Variants in DPF3 observed in about 807,000 individuals in gnomAD.
DPF3 encodes the protein double PHD fingers 3.
A neutral mutation model predicts 56.8 loss-of-function variants in DPF3; 18 were observed. That is an observed-to-expected ratio of 0.32 (90% CI 0.22 to 0.47). The LOEUF (loss-of-function observed/expected upper bound fraction) is 0.47. Among genes scored for constraint, DPF3 ranks in the 20% least tolerant of loss-of-function variants. The pLI is 1.00. For synonymous variants in DPF3, 188 were observed against 180.2 expected (o/e 1.04, Z -0.35); for missense variants, 403 against 488.8 (o/e 0.82, Z 1.65).
intron 8 of DPF3, among the ~76,000 whole-genome samples, chr14:72,650,938 T>A (rs1319088994): frequency 6.6e-6 from 1 of 152,158 alleles, no homozygotes; most frequent in East Asian, 1.9e-4. Flanking sequence ...AATCCCCAGT[T>A]AAAATGCAAA....
At chr14:72,846,364 C>G (rs1224587179) in intron 1 of DPF3, among the ~76,000 whole-genome samples, 3 of 118,908 alleles carry the variant, frequency 2.5e-5, no homozygotes, top group Non-Finnish European at 3.2e-5. Context: ...GAGACGGAGT[C>G]TCACTCTGTC....
intron 8 of DPF3, among the ~76,000 whole-genome samples, chr14:72,636,269 A>C (rs1885381117): frequency 6.6e-6 from 1 of 152,246 alleles, no homozygotes; most frequent in Admixed American, 6.5e-5. Context: ...GGTATTTACA[A>C]ATTGCAAATG....
chr14:72,689,239 A>G (rs769093625), intron 7 of DPF3, among the ~76,000 whole-genome samples: 3 of 152,104 alleles, frequency 2.0e-5, no homozygotes, highest in Admixed American at 2.0e-4. Flanking sequence ...CAGGAGGACC[A>G]AAGTCAAAAG....
chr14:72,693,348 C>T (rs895039202), intron 6 of DPF3, 135 bp from the exon 7 acceptor site: 1 of 1,032,876 alleles, frequency 9.7e-7, no homozygotes, highest in Non-Finnish European at 1.4e-6. Flanking sequence ...TCTCCCATCC[C>T]AACATCCCTT....
At chr14:72,830,980 G>A (rs748972783) in intron 1 of DPF3, among the ~76,000 whole-genome samples, 3 of 152,144 alleles carry the variant, frequency 2.0e-5, no homozygotes, top group Non-Finnish European at 2.9e-5. Context: ...TGTGGAAGCC[G>A]TATCAATCGC....
chr14:72,614,697 G>A lies in DPF3; in HGVS notation c.*4600C>T, dbSNP rs1031253352. Among the ~76,000 whole-genome samples the A allele has an allele frequency of 2.0e-5, 3 of 150,930 alleles. No homozygotes were observed. Among genetic ancestry groups the A allele is most frequent in the African/African-American group, 7.4e-5 (3 of 40,806 alleles). On this transcript the variant is annotated 3_prime_UTR_variant, in exon 11 of 11. Transcript: ENST00000556509. The stretch of plus-strand genomic sequence containing the variant: ...CCTCAAGAAAGAGGGAGCTGAATCA[G>A]TGTTCAGAACTGGGCAGAGGTTTGG...
intron 7 of DPF3, among the ~76,000 whole-genome samples, chr14:72,683,046 G>A (rs1887228404): frequency 6.6e-6 from 1 of 152,224 alleles, no homozygotes; most frequent in Admixed American, 6.5e-5. Context: ...CAAATTCCCA[G>A]TCAGGCACAG....
At chr14:72,706,151 T>C (rs190910729) in intron 6 of DPF3, among the ~76,000 whole-genome samples, 6 of 152,306 alleles carry the variant, frequency 3.9e-5, no homozygotes, top group Admixed American at 1.3e-4. Context: ...TCCAGGTCTA[T>C]AATATAAGTC....
chr14:72,683,580 T>C (rs1315186427), intron 7 of DPF3, among the ~76,000 whole-genome samples: 1 of 152,180 alleles, frequency 6.6e-6, no homozygotes, highest in East Asian at 1.9e-4. Flanking sequence ...ATGAGGCATA[T>C]GGAGGCTATG....
rs144584446 is a variant in DPF3 at position 72,890,425 on chromosome 14, A to G, written c.32+3632T>C. ...AGAATCACTTGAACCCAGGAGGCAG[A>G]GGTTGCAGTGAGCCAAGATCCTGCT... On this transcript the variant is annotated intron_variant, in intron 1 of 10. Coordinates refer to ENST00000556509, the MANE Select transcript of DPF3 (RefSeq NM_001280542.3). Among the ~76,000 whole-genome samples the G allele has an allele frequency of 2.1e-3, 324 of 152,068 alleles. 1 individual carries two copies. The highest frequency in any genetic ancestry group is 7.1e-3 in the African/African-American group (293 of 41,462).
chr14:72,728,835 T>C lies in DPF3; in HGVS notation c.429+2972A>G, dbSNP rs545356054. Among the ~76,000 whole-genome samples the C allele has an allele frequency of 2.6e-5, 4 of 152,074 alleles. No homozygotes were observed. The East Asian group carries it at 7.7e-4, about 29-fold the overall frequency. ...CATAATAAGTAAGTAAATTAGAAAG[T>C]ACATTAGATGATGATAAGAGTGATG... On this transcript the variant is annotated intron_variant, in intron 4 of 10. Transcript: ENST00000556509.
chr14:72,833,390 C>T (rs753804048), intron 1 of DPF3, among the ~76,000 whole-genome samples: 12 of 152,122 alleles, frequency 7.9e-5, no homozygotes, highest in Non-Finnish European at 1.5e-4. Flanking sequence ...GAGTTTTGAA[C>T]GTGTTGAGGT....
At chr14:72,754,079 C>A (rs1890690457) in intron 2 of DPF3, among the ~76,000 whole-genome samples, 1 of 152,000 alleles carries the variant, frequency 6.6e-6, no homozygotes, top group Admixed American at 6.5e-5. Context: ...TGGCCTTTGA[C>A]ACCAACAGCA....
intron 3 of DPF3, among the ~76,000 whole-genome samples, chr14:72,734,768 A>C (rs1426616991): frequency 6.6e-6 from 1 of 152,142 alleles, no homozygotes; most frequent in African/African-American, 2.4e-5. Context: ...ATGCAGCTGA[A>C]TGATATTTCC....
chr14:72,824,551 C>CTTTTTTTTTTTTTTTTTTT (rs375498304), intron 1 of DPF3, among the ~76,000 whole-genome samples: 4 of 143,250 alleles, frequency 2.8e-5, no homozygotes, highest in Non-Finnish European at 4.6e-5. Context: ...TTTTCTTTTT[C>CTTTTTTTTTTTTTTTTTTT]TTTTTTTTTT....
intron 1 of DPF3, among the ~76,000 whole-genome samples, chr14:72,806,277 C>G (rs1423646758): frequency 6.6e-6 from 1 of 152,160 alleles, no homozygotes; most frequent in Admixed American, 6.5e-5. Flanking sequence ...AGTGGCCACC[C>G]GTGGGTGGTC....
At chr14:72,630,688 T>C (rs1415911651) in intron 8 of DPF3, among the ~76,000 whole-genome samples, 1 of 152,168 alleles carries the variant, frequency 6.6e-6, no homozygotes, top group Admixed American at 6.5e-5. Context: ...CGCCCAGTAC[T>C]GTGAAACAGA....
intron 1 of DPF3, among the ~76,000 whole-genome samples, chr14:72,842,256 G>A (rs1884574802): frequency 6.6e-6 from 1 of 152,056 alleles, no homozygotes; most frequent in African/African-American, 2.4e-5. Context: ...ATATACTTAA[G>A]GTCTCCAAAA....
chr14:72,811,509 T>A (rs1883043957), intron 1 of DPF3, among the ~76,000 whole-genome samples: 1 of 152,262 alleles, frequency 6.6e-6, no homozygotes, highest in African/African-American at 2.4e-5. Flanking sequence ...CAGACTATGA[T>A]AAAATAAATT....
Sources: allele counts gnomAD v4.1 joint callset (sites outside exome capture counted in the v4.1 genomes callset), GRCh38; gene constraint gnomAD v4.1.1; transcripts MANE v1.5; gene names NCBI Gene and HGNC (gene_info 2026-07-23, HGNC 2026-07-21).